AAK1: variants seen among roughly 807,000 people sequenced by gnomAD.
The protein encoded by AAK1 is AP2 associated kinase 1.
AAK1 carries 37 observed loss-of-function variants against 116.0 expected under a neutral mutation model. The observed-to-expected ratio is 0.32, with a 90% confidence interval of 0.25 to 0.42. The LOEUF (loss-of-function observed/expected upper bound fraction) is 0.42. AAK1 is among the 10% of genes least tolerant of loss of function. The pLI, the probability that AAK1 is intolerant of heterozygous loss-of-function variation, is 1.00. For missense variants in AAK1, 919 were observed against 1,170.6 expected, an observed-to-expected ratio of 0.79 and a Z score of 3.14; for synonymous variants, 458 against 439.9, an observed-to-expected ratio of 1.04 and a Z score of -0.51.
intron 5 of AAK1, among the ~76,000 whole-genome samples, chr2:69,541,010 A>G (rs995123874): frequency 2.6e-5 from 4 of 152,230 alleles, no homozygotes; most frequent in Non-Finnish European, 5.9e-5. Context: ...AAGGGGTCAC[A>G]TATGATGATT....
At chr2:69,548,995 T>C (rs149929592) in intron 3 of AAK1, among the ~76,000 whole-genome samples, 15 of 152,260 alleles carry the variant, frequency 9.9e-5, no homozygotes, top group Admixed American at 9.1e-4. Context: ...TCCTTACCTA[T>C]CTGGAATCTT....
chr2:69,611,490 C>T (rs766665907), intron 2 of AAK1, among the ~76,000 whole-genome samples: 39 of 152,176 alleles, frequency 2.6e-4, no homozygotes, highest in Non-Finnish European at 4.4e-4. Context: ...GGCTTTCGGG[C>T]TTGGACTGAG....
rs1338358705 is a variant in AAK1 at position 69,496,072 on chromosome 2, T to C, written c.2278A>G (p.Arg760Gly). The part of the protein sequence containing the change: ...TSFSAGTAEK[R>G]KGGQTVDSGL... ...GAGTCCACAGTCTGCCCACCCTTCCTTTTTTCAGCTGGAGTTAGGTTGGAG... is the reference window on the plus strand; with the variant it reads ...GAGTCCACAGTCTGCCCACCCTTCCCTTTTTCAGCTGGAGTTAGGTTGGAG... Residue 760 changes from arginine (R) to glycine (G), a missense_variant, in exon 17 of 22, where the codon AGG becomes GGG. This residue lies in a region of AAK1 where 263 missense variants were observed against 285.5 expected (regional missense o/e 0.92). Transcript: ENST00000409085. The C allele has an allele frequency of 2.1e-5, 32 of 1,552,840 alleles. No homozygotes were observed. The highest frequency in any genetic ancestry group is 2.7e-5 in the Non-Finnish European group (31 of 1,147,706).
At chr2:69,619,862 A>C (rs1674512043) in intron 2 of AAK1, among the ~76,000 whole-genome samples, 1 of 152,194 alleles carries the variant, frequency 6.6e-6, no homozygotes, top group African/African-American at 2.4e-5. Context: ...AGAGAGCAAT[A>C]ACCAGAGGAG....
chr2:69,475,477 G>C lies in AAK1; in HGVS notation c.*392C>G. ...ATCTGGCCAAAGGAGACGGGGGTTG[G>C]GAGAATTGATCTGGGAGGCCATTCC... On this transcript the variant is annotated 3_prime_UTR_variant, in exon 22 of 22. Transcript: ENST00000409085. 8.8e-6 allele frequency: 9 copies of C among 1,018,164 alleles called. No homozygotes were observed. The highest frequency in any genetic ancestry group is 1.1e-5 in the Non-Finnish European group (9 of 849,318). 63.1% of individuals were successfully genotyped at this position (1,018,164 alleles called of 1,614,324 possible). A position where few individuals can be genotyped will look rare whatever the true frequency, so the allele number is the denominator to read the frequency against.
chr2:69,468,053 G>A lies in AAK1; in HGVS notation c.*7816C>T, dbSNP rs1027927756. 9.1e-6 allele frequency: 9 copies of A among 985,240 alleles called. No individual in the cohort carries two copies. The highest frequency in any genetic ancestry group is 4.7e-5 in the South Asian group (1 of 21,292). 61.0% of individuals were successfully genotyped at this position (985,240 alleles called of 1,614,324 possible). On this transcript the variant is annotated 3_prime_UTR_variant, in exon 22 of 22. Coordinates refer to ENST00000409085, the MANE Select transcript of AAK1 (RefSeq NM_014911.5). ...CGTTCAGTGAATTCCAGATTGGGGC[G>A]TTAAGTTAAATTCTGTACTGGTGCC...
In AAK1 at chr2:69,460,133, C is replaced by T. The variant is rs1200187182; in HGVS notation, c.*15736G>A. ...GTCCCACATTTCTCGGATAAAACCA[C>T]ATCTGTGGTTTTATCCAGCAACCAT... On this transcript the variant is annotated 3_prime_UTR_variant, in exon 22 of 22. Transcript: ENST00000409085. The T allele has an allele frequency of 6.6e-6, 1 of 152,508 alleles. No individual in the cohort carries two copies. The highest frequency in any genetic ancestry group is 1.9e-4 in the East Asian group (1 of 5,190). The allele number at this position is 152,508 out of a possible 1,614,324, so 9.4% of individuals were successfully genotyped here.
Position 69,643,715 on chromosome 2 carries a change from A to T in AAK1, c.-375T>A. On this transcript the variant is annotated 5_prime_UTR_variant, in exon 1 of 22. Coordinates refer to ENST00000409085, the MANE Select transcript of AAK1 (RefSeq NM_014911.5). ...TCGGCTCCCGCCCGCCCGCCAGCTG[A>T]TCCCGGGAGCGCCGGGCGGAGACTG... 1.6e-6 allele frequency: 2 copies of T among 1,213,402 alleles called. No homozygotes were observed. Among genetic ancestry groups the T allele is most frequent in the Non-Finnish European group, 2.0e-6 (2 of 976,444 alleles). 75.2% of individuals were successfully genotyped at this position (1,213,402 alleles called of 1,614,324 possible).
Position 69,530,660 on chromosome 2 carries a change from T to A in AAK1, c.703A>T (p.Ser235Cys), listed in dbSNP as rs758180262. Reference protein sequence around the residue: ...YRAPEMVNLYSGKIITTKADI... With the variant: ...YRAPEMVNLYCGKIITTKADI... ...GCCTTCGTAGTGATGATTTTGCCAC[T>A]GTACAGGTTGACCATTTCTGGTGCT... Residue 235 changes from serine to cysteine, a missense_variant, in exon 7 of 22, where the codon AGT becomes TGT. By Grantham distance (112) the Ser-to-Cys change is moderately radical. This residue lies in a region of AAK1 where 317 missense variants were observed against 490.4 expected (regional missense o/e 0.65). Coordinates refer to ENST00000409085, the MANE Select transcript of AAK1 (RefSeq NM_014911.5). 4 of 1,613,812 alleles carry A rather than the reference T, an allele frequency of 2.5e-6. No homozygotes were observed. Among genetic ancestry groups the A allele is most frequent in the Non-Finnish European group, 3.4e-6 (4 of 1,179,738 alleles).
At position 69,467,036 on chromosome 2, in the gene AAK1, T is replaced by C; in HGVS notation, c.*8833A>G. 1.0e-6 allele frequency: 1 copy of C among 985,444 alleles called. No homozygotes were observed. The highest frequency in any genetic ancestry group is 1.2e-6 in the Non-Finnish European group (1 of 829,934). 61.0% of individuals were successfully genotyped at this position (985,444 alleles called of 1,614,324 possible). On this transcript the variant is annotated 3_prime_UTR_variant, in exon 22 of 22. Transcript: ENST00000409085. ...ACAAACTCTCTGAAAAGAAGCAGAA[T>C]GTGGCTGCTTGATAAATGCAAGTTT...
intron 19 of AAK1, among the ~76,000 whole-genome samples, chr2:69,479,809 G>GC (rs1015854689): frequency 2.6e-4 from 40 of 152,332 alleles, no homozygotes; most frequent in Admixed American, 2.3e-3. Flanking sequence ...AGGCTGGAGT[G>GC]CAGTGGGACG....
rs374273327 is a variant in AAK1 at position 69,465,788 on chromosome 2, A to G, written c.*10081T>C. On this transcript the variant is annotated 3_prime_UTR_variant, in exon 22 of 22. Coordinates refer to ENST00000409085, the MANE Select transcript of AAK1 (RefSeq NM_014911.5). Reference sequence around the variant, plus strand: ...TGTCCAGATGGTCTGCTGCTTGTACAGAATGGGACAGGAGGTTAGACTGTT... The same window carrying G: ...TGTCCAGATGGTCTGCTGCTTGTACGGAATGGGACAGGAGGTTAGACTGTT... 9.2e-5 allele frequency: 119 copies of G among 1,290,886 alleles called. No homozygotes were observed. The African/African-American group carries it at 1.7e-3, about 18-fold the overall frequency. The allele number at this position is 1,290,886 out of a possible 1,614,324, so 80.0% of individuals were successfully genotyped here.
Position 69,509,365 on chromosome 2 carries a change from G to C in AAK1, c.1872C>G (p.Ser624=). ...TGTGCCCAGCACGTTGGGTTTTGGGGGATGAGGGTGGAGTGAGAGATCCAA... is the reference window on the plus strand; with the variant it reads ...TGTGCCCAGCACGTTGGGTTTTGGGCGATGAGGGTGGAGTGAGAGATCCAA... ...QKVGSLTPPS[S]PKTQRAGHRR... Residue 624 remains serine (S), a synonymous_variant, in exon 14 of 22, where the codon TCC becomes TCG. Coordinates refer to ENST00000409085, the MANE Select transcript of AAK1 (RefSeq NM_014911.5). 2 of 1,614,002 alleles carry C rather than the reference G, an allele frequency of 1.2e-6. No individual in the cohort carries two copies. The highest frequency in any genetic ancestry group is 8.5e-7 in the Non-Finnish European group (1 of 1,179,884).
At chr2:69,642,799 T>TA in intron 2 of AAK1, 79 bp downstream of exon 2, 2 of 1,589,710 alleles carry the variant, frequency 1.3e-6, no homozygotes, top group Non-Finnish European at 1.7e-6. Flanking sequence ...AGCCCATTCA[T>TA]ACATGCAACA....
chr2:69,495,255 C>T lies in AAK1; in HGVS notation c.2365+730G>A, dbSNP rs79514067. Among the ~76,000 whole-genome samples the T allele has an allele frequency of 6.9e-3, 1,052 of 152,306 alleles. 11 individuals are homozygous for T. Among genetic ancestry groups the T allele is most frequent in the East Asian group, 0.039 (200 of 5,182 alleles). ...GGAAGGCCGGAAGGAAAAGCTTTGG[C>T]AACTTGAACTCCAACTGGGAAGCAT... On this transcript the variant is annotated intron_variant, in intron 17 of 21. Coordinates refer to ENST00000409085, the MANE Select transcript of AAK1 (RefSeq NM_014911.5).
intron 16 of AAK1, among the ~76,000 whole-genome samples, chr2:69,499,403 C>T (rs1476915464): frequency 6.6e-6 from 1 of 152,172 alleles, no homozygotes; most frequent in African/African-American, 2.4e-5. Context: ...TTCTGGGGCC[C>T]CTAGTTCCCT....
chr2:69,606,596 C>T (rs1358579005), intron 2 of AAK1, among the ~76,000 whole-genome samples: 1 of 152,316 alleles, frequency 6.6e-6, no homozygotes, highest in African/African-American at 2.4e-5. Context: ...CTGAATGACA[C>T]TAGAAGCCAC....
chr2:69,532,640 T>TC (rs1670304472), intron 5 of AAK1, among the ~76,000 whole-genome samples: 1 of 152,230 alleles, frequency 6.6e-6, no homozygotes, highest in Admixed American at 6.5e-5. Flanking sequence ...TCTTTCCCTA[T>TC]TGTCCTTCAG....
chr2:69,562,431 T>C (rs1671682044), intron 2 of AAK1, among the ~76,000 whole-genome samples: 1 of 152,206 alleles, frequency 6.6e-6, no homozygotes, highest in South Asian at 2.1e-4. Context: ...CTGAGATAAC[T>C]TGGACTTCTA....
Sources: gnomAD v4.1 joint callset for allele counts (sites outside exome capture counted in the v4.1 genomes callset) on GRCh38, gnomAD v4.1.1 for gene constraint, gnomAD v4.1.1 regional missense constraint, MANE v1.5 for transcripts, NCBI Gene and HGNC (gene_info 2026-07-23, HGNC 2026-07-21) for gene names.